The following ADAMTS6 variants were observed in gnomAD, a reference collection of about 807,000 sequenced individuals.
ADAMTS6 encodes A disintegrin and metalloproteinase with thrombospondin motifs 6.
A neutral mutation model predicts 144.3 loss-of-function variants in ADAMTS6; 23 were observed. The observed-to-expected ratio is 0.16, with a 90% CI of 0.11 to 0.23. The LOEUF (loss-of-function observed/expected upper bound fraction) is 0.23, where lower values mean the gene tolerates loss of function less well. ADAMTS6 is among the 10% of genes least tolerant of loss of function. The pLI is 1.00. For synonymous variants in ADAMTS6, 444 were observed against 457.5 expected (o/e 0.97, Z 0.38); for missense variants, 999 against 1,379.6 (o/e 0.72, Z 4.37).
intron 9 of ADAMTS6, among the ~76,000 whole-genome samples, chr5:65,308,508 C>T (rs1316054574): frequency 6.6e-6 from 1 of 152,082 alleles, no homozygotes; most frequent in Non-Finnish European, 1.5e-5. Flanking sequence ...TACTTTTAAA[C>T]ATAATTTTAA....
chr5:65,472,296 T>C (rs924157444), intron 2 of ADAMTS6, among the ~76,000 whole-genome samples: 2 of 152,166 alleles, frequency 1.3e-5, no homozygotes, highest in African/African-American at 4.8e-5. Context: ...GGAGGGAATT[T>C]GGAAGTGACC....
chr5:65,446,166 A>G (rs1758258032), intron 7 of ADAMTS6, among the ~76,000 whole-genome samples: 1 of 152,350 alleles, frequency 6.6e-6, no homozygotes, highest in South Asian at 2.1e-4. Flanking sequence ...ATGAATACCA[A>G]ATAAATGTTA....
At chr5:65,388,281 T>C (rs1752639861) in intron 7 of ADAMTS6, among the ~76,000 whole-genome samples, 1 of 152,178 alleles carries the variant, frequency 6.6e-6, no homozygotes, top group Admixed American at 6.5e-5. Context: ...AATCTGACTG[T>C]TACCATTCCT....
intron 3 of ADAMTS6, among the ~76,000 whole-genome samples, chr5:65,470,031 T>C (rs913975428): frequency 6.6e-6 from 1 of 152,202 alleles, no homozygotes; most frequent in Non-Finnish European, 1.5e-5. Context: ...CTAGAATGGA[T>C]TCAAATGCCC....
At chr5:65,285,166 C>T (rs533817683) in intron 11 of ADAMTS6, among the ~76,000 whole-genome samples, 36 of 152,208 alleles carry the variant, frequency 2.4e-4, no homozygotes, top group African/African-American at 8.2e-4. Context: ...ATGCCTTAGA[C>T]ATTATGTTAT....
chr5:65,239,692 T>C (rs1244607359), intron 15 of ADAMTS6, among the ~76,000 whole-genome samples: 1 of 151,936 alleles, frequency 6.6e-6, no homozygotes, highest in Non-Finnish European at 1.5e-5. Context: ...ACAACCCAAT[T>C]AAAAATAGGC....
intron 7 of ADAMTS6, among the ~76,000 whole-genome samples, chr5:65,438,936 T>C (rs1427744674): frequency 6.6e-6 from 1 of 152,218 alleles, no homozygotes; most frequent in Non-Finnish European, 1.5e-5. Context: ...AGACAATCTA[T>C]TTCATTTAGC....
At chr5:65,200,489 T>C (rs1755663833) in intron 20 of ADAMTS6, among the ~76,000 whole-genome samples, 2 of 152,272 alleles carry the variant, frequency 1.3e-5, no homozygotes, top group African/African-American at 4.8e-5. Context: ...AATAATTACA[T>C]CCAGTTACAC....
At chr5:65,161,644 A>G (rs574715621) in intron 24 of ADAMTS6, among the ~76,000 whole-genome samples, 4 of 152,220 alleles carry the variant, frequency 2.6e-5, no homozygotes, top group Non-Finnish European at 5.9e-5. Context: ...CTGAAAGACT[A>G]TGAACTTATA....
intron 12 of ADAMTS6, among the ~76,000 whole-genome samples, chr5:65,265,642 G>C (rs928761204): frequency 2.0e-5 from 3 of 151,632 alleles, no homozygotes; most frequent in Non-Finnish European, 2.9e-5. Flanking sequence ...CTTAAAACAT[G>C]CCTATTTTTT....
At chr5:65,439,052 A>G (rs1392749660) in intron 7 of ADAMTS6, among the ~76,000 whole-genome samples, 1 of 152,204 alleles carries the variant, frequency 6.6e-6, no homozygotes, top group Non-Finnish European at 1.5e-5. Flanking sequence ...ATCAAAGGAC[A>G]GAATGCTACA....
intron 15 of ADAMTS6, among the ~76,000 whole-genome samples, chr5:65,241,391 C>T (rs779223445): frequency 7.9e-5 from 12 of 151,690 alleles, no homozygotes; most frequent in East Asian, 1.9e-4. Flanking sequence ...CCACCATGCC[C>T]GGCTAATTTT....
chr5:65,325,531 C>T (rs1580399948), intron 9 of ADAMTS6, among the ~76,000 whole-genome samples: 1 of 151,206 alleles, frequency 6.6e-6, no homozygotes, highest in African/African-American at 2.4e-5. Context: ...GGCCTGTCAC[C>T]CAGAATGGAG....
At chr5:65,479,614 C>T (rs552447612) in intron 1 of ADAMTS6, among the ~76,000 whole-genome samples, 6 of 152,290 alleles carry the variant, frequency 3.9e-5, no homozygotes, top group African/African-American at 1.4e-4. Context: ...ATGCTGTTAA[C>T]TATCTCTTAA....
chr5:65,256,034 AGTGATTT>A (rs1339469912), intron 14 of ADAMTS6, among the ~76,000 whole-genome samples: 1 of 152,156 alleles, frequency 6.6e-6, no homozygotes, highest in Non-Finnish European at 1.5e-5. Context: ...ATGAGCTAAC[AGTGATTT>A]GTTTTGAGAA....
At chr5:65,414,925 C>T (rs1245122297) in intron 7 of ADAMTS6, among the ~76,000 whole-genome samples, 1 of 151,768 alleles carries the variant, frequency 6.6e-6, no homozygotes, top group Non-Finnish European at 1.5e-5. Context: ...TTGTATTAAG[C>T]AATGATTTCT....
chr5:65,279,422 A>T (rs10940025), intron 11 of ADAMTS6, among the ~76,000 whole-genome samples: 79,760 of 151,794 alleles, frequency 0.53, 21,073 homozygotes, highest in African/African-American at 0.57. Context: ...GTTCAAGCAA[A>T]TCTCCTGCCT....
intron 7 of ADAMTS6, among the ~76,000 whole-genome samples, chr5:65,337,776 T>C (rs1047112735): frequency 6.6e-6 from 1 of 152,218 alleles, no homozygotes; most frequent in African/African-American, 2.4e-5. Context: ...AACTCTTCTC[T>C]GCCATACTGT....
chr5:65,451,213 A>G, intron 7 of ADAMTS6: 1 of 312,336 alleles, frequency 3.2e-6, no homozygotes, highest in South Asian at 6.4e-5. Context: ...TTGATTAAAT[A>G]TTATGAATAG....
Sources: allele counts gnomAD v4.1 joint callset (sites outside exome capture counted in the v4.1 genomes callset), GRCh38; gene constraint gnomAD v4.1.1; transcripts MANE v1.5; gene names NCBI Gene and HGNC (gene_info 2026-07-23, HGNC 2026-07-21).